The following DIAPH1 variants were observed in gnomAD, a reference collection of about 807,000 sequenced individuals.
DIAPH1 encodes diaphanous related formin 1.
A neutral mutation model predicts 140.7 loss-of-function variants in DIAPH1; 46 were observed. The ratio of observed to expected loss-of-function variants is 0.33; its 90% CI spans 0.26 to 0.42. DIAPH1 has a LOEUF of 0.42. Ranked by LOEUF, DIAPH1 falls within the 10% of genes least tolerant of loss-of-function variation. The probability of loss-of-function intolerance (pLI) is 1.00; values close to 1 mark genes in which losing one functional copy is unlikely to be tolerated. For synonymous variants in DIAPH1, 565 were observed against 551.6 expected (o/e 1.02, Z -0.34); for missense variants, 1,310 against 1,558.7 (o/e 0.84, Z 2.69).
intron 18 of DIAPH1, among the ~76,000 whole-genome samples, chr5:141,568,288 A>C (rs993819662): frequency 6.6e-6 from 1 of 151,120 alleles, no homozygotes; most frequent in Admixed American, 6.6e-5. Context: ...GAGAAAATGA[A>C]ACAAAAAAAA....
intron 1 of DIAPH1, among the ~76,000 whole-genome samples, chr5:141,615,064 C>A (rs1171832858): frequency 1.3e-5 from 2 of 152,012 alleles, no homozygotes; most frequent in African/African-American, 2.4e-5. Context: ...TTTAGAAGAC[C>A]GTGTAACTGC....
rs1277130012 is a variant in DIAPH1 at position 141,528,941 on chromosome 5, T to C, written c.2779A>G (p.Met927Val). 5 of 1,613,726 alleles carry C rather than the reference T, an allele frequency of 3.1e-6. No homozygotes were observed. The highest frequency in any genetic ancestry group is 1.1e-5 in the South Asian group (1 of 91,074). The change falls in exon 22 of 28, where the codon ATG becomes GTG. Residue 927 changes from methionine to valine, a missense_variant and splice_region_variant. By Grantham distance (21) the Met-to-Val change is conservative. Around this residue, in one of 3 missense-constraint regions of DIAPH1, gnomAD observed 344 missense variants for 512.2 expected, o/e 0.67. Coordinates refer to ENST00000389054, the MANE Select transcript of DIAPH1 (RefSeq NM_005219.5). The part of the protein sequence containing the change: ...LAESEQFGVV[M>V]GTVPRLRPRL... The stretch of plus-strand genomic sequence containing the variant: ...GGCCGCAGTCGGGGCACAGTGCCCA[T>C]CTAGTAAAGAACACAAGCAGTTCCA...
intron 18 of DIAPH1, among the ~76,000 whole-genome samples, chr5:141,561,111 G>T (rs1202021151): frequency 2.0e-5 from 3 of 151,968 alleles, no homozygotes; most frequent in African/African-American, 7.3e-5. Context: ...GGAAAAACGG[G>T]AAATTCTTGG....
At chr5:141,534,989 C>T (rs1221498883) in intron 18 of DIAPH1, among the ~76,000 whole-genome samples, 1 of 152,168 alleles carries the variant, frequency 6.6e-6, no homozygotes, top group African/African-American at 2.4e-5. Flanking sequence ...CACTGTGTCA[C>T]CCAGGTTGGA....
In DIAPH1 at chr5:141,580,639, T is replaced by A. The variant is rs919961247; in HGVS notation, c.824+105A>T. 20 of 1,106,954 alleles carry A rather than the reference T, an allele frequency of 1.8e-5. No homozygotes were observed. In the African/African-American group the frequency reaches 3.1e-4, roughly 17 times the overall value. 68.6% of individuals were successfully genotyped at this position (1,106,954 alleles called of 1,614,324 possible). ...TTCTGGGAAGAAACACAATCTTACCTAGTATTTATGACCGAGAGGACACCC... is the reference window on the plus strand; with the variant it reads ...TTCTGGGAAGAAACACAATCTTACCAAGTATTTATGACCGAGAGGACACCC... On this transcript the variant is annotated intron_variant, in intron 8 of 27. Coordinates refer to ENST00000389054, the MANE Select transcript of DIAPH1 (RefSeq NM_005219.5).
At chr5:141,597,738 A>C (rs932510642) in intron 1 of DIAPH1, among the ~76,000 whole-genome samples, 2 of 152,142 alleles carry the variant, frequency 1.3e-5, no homozygotes, top group African/African-American at 4.8e-5. Flanking sequence ...TTTAAAATTC[A>C]CAACACCTGG....
chr5:141,615,198 G>A (rs980007469), intron 1 of DIAPH1, among the ~76,000 whole-genome samples: 1 of 151,970 alleles, frequency 6.6e-6, no homozygotes, highest in Non-Finnish European at 1.5e-5. Flanking sequence ...CACTTCGGGA[G>A]GCTGAGGCTG....
intron 1 of DIAPH1, chr5:141,618,444 C>CA: frequency 4.9e-6 from 1 of 203,964 alleles, no homozygotes. Flanking sequence ...AAGAGGGGAC[C>CA]AAAAAAGAGG....
intron 18 of DIAPH1, among the ~76,000 whole-genome samples, chr5:141,538,625 G>T (rs1469228033): frequency 6.6e-6 from 1 of 151,904 alleles, no homozygotes; most frequent in Non-Finnish European, 1.5e-5. Context: ...TAGAGACGGG[G>T]TTTCACCATG....
Position 141,579,889 on chromosome 5 carries a change from AGTG to A in DIAPH1, c.825-696_825-694del, listed in dbSNP as rs371676953. Among the ~76,000 whole-genome samples the A allele has an allele frequency of 5.7e-4, 86 of 151,288 alleles. No individual in the cohort carries two copies. In the East Asian group the frequency reaches 0.014, roughly 25 times the overall value. ...CTTGAACCTGGGAGGAGGAGTTTGC[AGTG>A]GGCCGAGATCGCGCCACTGCACTCC... On this transcript the variant is annotated intron_variant, in intron 8 of 27. Transcript: ENST00000389054.
At chr5:141,536,767 T>C (rs1308570759) in intron 18 of DIAPH1, among the ~76,000 whole-genome samples, 1 of 152,028 alleles carries the variant, frequency 6.6e-6, no homozygotes, top group Non-Finnish European at 1.5e-5. Context: ...AGATAGAGCA[T>C]GTTGGATGTG....
intron 1 of DIAPH1, 82 bp from the exon 2 acceptor site, chr5:141,588,332 G>T: frequency 2.0e-6 from 2 of 980,330 alleles, no homozygotes; most frequent in South Asian, 1.3e-5. Flanking sequence ...CAGACGGGTT[G>T]GGGAAAAGAG....
chr5:141,560,923 G>T lies in DIAPH1; in HGVS notation c.2482+10505C>A, dbSNP rs571398042. 46 of 456,028 alleles carry T rather than the reference G, an allele frequency of 1.0e-4. No individual in the cohort carries two copies. In the Admixed American group the frequency reaches 1.1e-3, roughly 11 times the overall value. 28.2% of individuals were successfully genotyped at this position (456,028 alleles called of 1,614,324 possible). ...TGTTCCTGAGGTGGAAGCCAGGAAA[G>T]GGTGGGGAAAGATGAGGGGGGGAAG... On this transcript the variant is annotated intron_variant, in intron 18 of 27. Transcript: ENST00000389054.
rs2099897041 is a variant in DIAPH1, at chr5:141,583,261, C to T, written c.565G>A (p.Ala189Thr). Residue 189 changes from alanine (A) to threonine (T), a missense_variant, in exon 6 of 28, where the codon GCC becomes ACC. Transcript: ENST00000389054. ...WVQTFGAEGL[A>T]SLLDILKRLH... ...CGTTTAAGAATGTCCAATAAGGAGG[C>T]CAAGCCTTCAGCACCAAATGTTTGC... 1 of 1,614,218 alleles carries T rather than the reference C, an allele frequency of 6.2e-7. No individual in the cohort carries two copies. Among genetic ancestry groups the T allele is most frequent in the African/African-American group, 1.3e-5 (1 of 75,062 alleles).
At chr5:141,612,224 T>C (rs1313245908) in intron 1 of DIAPH1, among the ~76,000 whole-genome samples, 2 of 152,214 alleles carry the variant, frequency 1.3e-5, no homozygotes, top group Non-Finnish European at 2.9e-5. Flanking sequence ...GAAAACAGTT[T>C]GGAAAACAGT....
intron 21 of DIAPH1, 25 bp downstream of exon 21, chr5:141,529,147 G>C: frequency 6.2e-7 from 1 of 1,604,054 alleles, no homozygotes; most frequent in African/African-American, 1.3e-5. Context: ...GTGGAAAACC[G>C]CTTACTGCCA....
Position 141,578,389 on chromosome 5 carries a change from T to C in DIAPH1, c.1045-46A>G, listed in dbSNP as rs771236881. 8 of 1,559,278 alleles carry C rather than the reference T, an allele frequency of 5.1e-6. No homozygotes were observed. The Middle Eastern group carries it at 5.0e-4, about 98-fold the overall frequency. ...AGTCAGGGAACCCAAAAGTATCCTC[T>C]GTGGTTAGAAACCTAAGCTTTTCAA... On this transcript the variant is annotated intron_variant, in intron 10 of 27. Transcript: ENST00000389054.
At chr5:141,550,211 T>C (rs1298076819) in intron 18 of DIAPH1, among the ~76,000 whole-genome samples, 1 of 152,176 alleles carries the variant, frequency 6.6e-6, no homozygotes, top group Non-Finnish European at 1.5e-5. Flanking sequence ...CCTAATAACA[T>C]TATCTTAAGA....
chr5:141,557,826 C>T (rs948280054), intron 18 of DIAPH1: 2 of 152,182 alleles, frequency 1.3e-5, no homozygotes, highest in African/African-American at 4.8e-5. Context: ...AAGGTGTGTC[C>T]CTGATGAGCA....
Sources: allele counts gnomAD v4.1 joint callset (sites outside exome capture counted in the v4.1 genomes callset), GRCh38; gene constraint gnomAD v4.1.1; regional missense constraint gnomAD v4.1.1; transcripts MANE v1.5; gene names NCBI Gene and HGNC (gene_info 2026-07-23, HGNC 2026-07-21).